Variants in CORO2B observed in about 807,000 individuals in gnomAD.
The protein encoded by CORO2B is coronin-2B.
CORO2B carries 26 observed loss-of-function variants against 58.8 expected under a neutral mutation model. The ratio of observed to expected loss-of-function variants is 0.44; its 90% CI spans 0.32 to 0.61. CORO2B has a LOEUF of 0.61. Among genes scored for constraint, CORO2B ranks in the 20% least tolerant of loss-of-function variants. The probability of loss-of-function intolerance (pLI) is 0.04; values close to 1 mark genes in which losing one functional copy is unlikely to be tolerated. For synonymous variants in CORO2B, 242 were observed against 253.8 expected (o/e 0.95, Z 0.44); for missense variants, 460 against 645.1 (o/e 0.71, Z 3.11).
chr15:68,615,211 GTC>G (rs984549821), intron 1 of CORO2B, among the ~76,000 whole-genome samples: 1 of 152,174 alleles, frequency 6.6e-6, no homozygotes, highest in Non-Finnish European at 1.5e-5. Context: ...CATTAACTGG[GTC>G]TCTCTGACTA....
rs557640433 is a variant in CORO2B, at chr15:68,683,706, AC to A, written c.217-11432del. ...CAGGGATGTCACCATCTCAGGACACACCTGCCTCACCTCCCTCCCTGCAGAG... is the reference window on the plus strand; with the variant it reads ...CAGGGATGTCACCATCTCAGGACACACTGCCTCACCTCCCTCCCTGCAGAG... On this transcript the variant is annotated intron_variant, in intron 2 of 11. Transcript: ENST00000261861. Among the ~76,000 whole-genome samples the A allele has an allele frequency of 3.9e-3, 592 of 152,194 alleles. 2 individuals carry two copies. The highest frequency in any genetic ancestry group is 8.2e-3 in the Admixed American group (126 of 15,284).
chr15:68,574,257 C>T (rs1273234600), upstream of CORO2B, among the ~76,000 whole-genome samples: 4 of 152,188 alleles, frequency 2.6e-5, no homozygotes, highest in African/African-American at 7.2e-5. Context: ...AGCTTGGAAG[C>T]CTGATGAGCT....
At chr15:68,556,022 G>A in the CORO2B span, among the ~76,000 whole-genome samples, 1 of 152,250 alleles carries the variant, frequency 6.6e-6, no homozygotes, top group Non-Finnish European at 1.5e-5. Context: ...GAGAAAGAAG[G>A]AAGAGAATCC....
upstream of CORO2B, among the ~76,000 whole-genome samples, chr15:68,574,328 G>C (rs4777071): frequency 0.48 from 72,391 of 151,988 alleles, 18,195 homozygotes; most frequent in East Asian, 0.76. Flanking sequence ...GCAGCAAGGG[G>C]TGGAGGAGCA....
chr15:68,601,340 G>C (rs1406206107), intron 1 of CORO2B, among the ~76,000 whole-genome samples: 4 of 152,222 alleles, frequency 2.6e-5, no homozygotes. Flanking sequence ...GAGGTTGAGG[G>C]TTCCACCCGT....
At chr15:68,701,239 CT>C (rs139504865) in intron 3 of CORO2B, among the ~76,000 whole-genome samples, 4,797 of 152,250 alleles carry the variant, frequency 0.032, 232 homozygotes, top group African/African-American at 0.1. Flanking sequence ...TCAGGAGTCC[CT>C]TAGGCCTAGG....
intron 2 of CORO2B, among the ~76,000 whole-genome samples, chr15:68,665,846 A>G (rs911907416): frequency 1.3e-4 from 20 of 152,190 alleles, no homozygotes; most frequent in Non-Finnish European, 2.4e-4. Flanking sequence ...TGAGGTTTCT[A>G]GGGATACTAT....
chr15:68,579,527 C>T (rs539237175), intron 1 of CORO2B, among the ~76,000 whole-genome samples: 4 of 152,318 alleles, frequency 2.6e-5, no homozygotes, highest in African/African-American at 9.6e-5. Flanking sequence ...GGCCCAACCC[C>T]GGGACTGCAT....
chr15:68,678,233 G>A (rs66523805), intron 2 of CORO2B, among the ~76,000 whole-genome samples: 28,424 of 152,160 alleles, frequency 0.19, 3,240 homozygotes, highest in Non-Finnish European at 0.25. Context: ...TGTTGTCAGA[G>A]AAGGAGTCAG....
chr15:68,588,411 A>AT (rs1899620585), intron 1 of CORO2B, among the ~76,000 whole-genome samples: 2 of 152,204 alleles, frequency 1.3e-5, no homozygotes, highest in African/African-American at 4.8e-5. Context: ...ATCTGGCTAT[A>AT]AAAATGTGGT....
intron 1 of CORO2B, among the ~76,000 whole-genome samples, chr15:68,629,826 G>A (rs12908848): frequency 0.39 from 58,879 of 152,036 alleles, 13,168 homozygotes; most frequent in African/African-American, 0.63. Context: ...CAGCATGTGT[G>A]TGTGTGTGTG....
At chr15:68,579,439 C>T (rs1899365455) in intron 1 of CORO2B, among the ~76,000 whole-genome samples, 162 bp downstream of exon 1, 1 of 151,940 alleles carries the variant, frequency 6.6e-6, no homozygotes, top group South Asian at 2.1e-4. Flanking sequence ...GTCACTCCGG[C>T]CCCCAAGGAC....
At position 68,625,546 on chromosome 15, in the gene CORO2B, A is replaced by G. The variant is rs542672100; in HGVS notation, c.16-19614A>G. 1.8e-4 allele frequency among the ~76,000 whole-genome samples: 27 copies of G among 152,212 alleles called. No homozygotes were observed. In the South Asian group the frequency reaches 5.4e-3, roughly 30 times the overall value. ...TATTATATCAATGGAATCATTGGGT[A>G]TGCAGCCTTTGAGCCTGCTTGTGCA... On this transcript the variant is annotated intron_variant, in intron 1 of 11. Coordinates refer to ENST00000261861, the MANE Select transcript of CORO2B (RefSeq NM_006091.5).
At chr15:68,630,700 C>T (rs550833526) in intron 1 of CORO2B, among the ~76,000 whole-genome samples, 3 of 152,196 alleles carry the variant, frequency 2.0e-5, no homozygotes, top group South Asian at 2.1e-4. Context: ...ACAAGAGTTG[C>T]GGAGGAAGGA....
In CORO2B at chr15:68,712,760, C is replaced by A. The variant is rs145994534; in HGVS notation, c.648+1054C>A. 5.9e-5 allele frequency among the ~76,000 whole-genome samples: 9 copies of A among 152,236 alleles called. No homozygotes were observed. In the East Asian group the frequency reaches 1.2e-3, roughly 20 times the overall value. ...CAACCCTCTCAGCTGGGTGCTGTTA[C>A]TCCTCTCATGTGATACGTGAGAACA... On this transcript the variant is annotated intron_variant, in intron 5 of 11. Coordinates refer to ENST00000261861, the MANE Select transcript of CORO2B (RefSeq NM_006091.5).
At chr15:68,617,749 G>A (rs1358199442) in intron 1 of CORO2B, among the ~76,000 whole-genome samples, 3 of 152,136 alleles carry the variant, frequency 2.0e-5, no homozygotes, top group Admixed American at 2.0e-4. Context: ...CAGGGACTAA[G>A]CCATACTATG....
chr15:68,721,496 A>G (rs1048473597), intron 11 of CORO2B, among the ~76,000 whole-genome samples: 34 of 151,916 alleles, frequency 2.2e-4, no homozygotes, highest in Non-Finnish European at 3.5e-4. Context: ...ACCTGAGGTC[A>G]GGAGTTTGAG....
intron 1 of CORO2B, among the ~76,000 whole-genome samples, chr15:68,597,402 T>C (rs1899859685): frequency 6.6e-6 from 1 of 152,126 alleles, no homozygotes; most frequent in African/African-American, 2.4e-5. Context: ...TTTCAATACC[T>C]AGGAAGCACA....
the CORO2B span, among the ~76,000 whole-genome samples, chr15:68,563,254 C>G: frequency 1.1e-4 from 17 of 151,818 alleles, no homozygotes; most frequent in African/African-American, 3.9e-4. Context: ...TTGGGAGGCC[C>G]AGACAGGAGG....
Sources: gnomAD v4.1 joint callset for allele counts (sites outside exome capture counted in the v4.1 genomes callset) on GRCh38, gnomAD v4.1.1 for gene constraint, MANE v1.5 for transcripts, NCBI Gene and HGNC (gene_info 2026-07-23, HGNC 2026-07-21) for gene names.